PIK3C2B: variants seen among roughly 807,000 people sequenced by gnomAD.
PIK3C2B encodes the protein phosphatidylinositol 4-phosphate 3-kinase C2 domain-containing subunit beta.
In PIK3C2B, 83 loss-of-function variants were observed where a neutral mutation model predicts 184.3. That is an observed-to-expected ratio of 0.45 (90% CI 0.38 to 0.54). PIK3C2B has a LOEUF of 0.54. Ranked by LOEUF, PIK3C2B falls within the 20% of genes least tolerant of loss-of-function variation. The pLI is 0.00. For synonymous variants in PIK3C2B, 779 were observed against 837.6 expected, an observed-to-expected ratio of 0.93 and a Z score of 1.21; for missense variants, 1,736 against 2,113.5, an observed-to-expected ratio of 0.82 and a Z score of 3.50.
chr1:204,484,919 G>T (rs540791331), intron 1 of PIK3C2B, among the ~76,000 whole-genome samples: 1 of 152,220 alleles, frequency 6.6e-6, no homozygotes, highest in South Asian at 2.1e-4. Context: ...CAATGAGCAA[G>T]GGGCACTGTG....
chr1:204,425,664 C>T lies in PIK3C2B; in HGVS notation c.4665G>A (p.Lys1555=), dbSNP rs1350122964. The T allele has an allele frequency of 1.2e-6, 2 of 1,614,002 alleles. No homozygotes were observed. The highest frequency in any genetic ancestry group is 1.7e-6 in the Non-Finnish European group (2 of 1,180,030). The part of the protein sequence containing the change: ...YLLPDPQKTT[K]RKTKVARKTC... Reference sequence around the variant, plus strand: ...TTTTCCGGGCCACTTTGGTTTTCCTCTTAGTGGTTTTCTGAGGGTCAGGAA... The same window carrying T: ...TTTTCCGGGCCACTTTGGTTTTCCTTTTAGTGGTTTTCTGAGGGTCAGGAA... The change falls in exon 32 of 33, where the codon AAG becomes AAA. Residue 1555 remains lysine, a synonymous_variant. Transcript: ENST00000684373.
intron 1 of PIK3C2B, among the ~76,000 whole-genome samples, chr1:204,477,217 T>A (rs1468104478): frequency 6.6e-6 from 1 of 152,158 alleles, no homozygotes; most frequent in Non-Finnish European, 1.5e-5. Flanking sequence ...AATATACACA[T>A]TCCCGACCTC....
chr1:204,460,776 T>G, intron 5 of PIK3C2B, 115 bp from the exon 6 acceptor site: 1 of 703,778 alleles, frequency 1.4e-6, no homozygotes, highest in Non-Finnish European at 2.6e-6. Context: ...AAGGGGGTAG[T>G]ACCCGTGTTG....
chr1:204,456,912 A>ACC lies in PIK3C2B; in HGVS notation c.1747+124_1747+125insGG, dbSNP rs1180194145. ...CACACACACACACACACACACCCAC[A>ACC]CACACACACACACCAGCCGAACTCC... On this transcript the variant is annotated intron_variant, in intron 10 of 32. Transcript: ENST00000684373. The ACC allele has an allele frequency of 3.4e-5, 6 of 176,656 alleles. No individual in the cohort carries two copies. The East Asian group carries it at 4.3e-4, about 13-fold the overall frequency. 10.9% of individuals were successfully genotyped at this position (176,656 alleles called of 1,614,324 possible).
chr1:204,475,266 C>T lies in PIK3C2B; in HGVS notation c.-84-5380G>A, dbSNP rs534376482. Among the ~76,000 whole-genome samples the T allele has an allele frequency of 9.2e-5, 14 of 152,304 alleles. No individual in the cohort carries two copies. In the South Asian group the frequency reaches 2.3e-3, roughly 25 times the overall value. On this transcript the variant is annotated intron_variant, in intron 1 of 32. Transcript: ENST00000684373. ...TCTCACCTCCAACCATTCATGACCA[C>T]GTATGTGATACCTCCGTGACTTGGT...
chr1:204,447,997 C>T lies in PIK3C2B; in HGVS notation c.2347-419G>A, dbSNP rs1389605227. On this transcript the variant is annotated intron_variant, in intron 14 of 32. Coordinates refer to ENST00000684373, the MANE Select transcript of PIK3C2B (RefSeq NM_001377334.1). The surrounding 1 kb of genome is among the most constrained non-coding windows in gnomAD (Gnocchi z 4.1). ...CACACACTGGGAGAAGGCCCTGGGA[C>T]ACTCGGTCCCTACTCTATGCCACCA... Among the ~76,000 whole-genome samples, 1 of 152,210 alleles carries T rather than the reference C, an allele frequency of 6.6e-6. No individual in the cohort carries two copies. Among genetic ancestry groups the T allele is most frequent in the East Asian group, 1.9e-4 (1 of 5,196 alleles).
chr1:204,484,182 A>T (rs1054361129), intron 1 of PIK3C2B, among the ~76,000 whole-genome samples: 1 of 151,446 alleles, frequency 6.6e-6, no homozygotes, highest in African/African-American at 2.4e-5. Flanking sequence ...AAGGAAATAT[A>T]CCTTTTTTTC....
chr1:204,445,929 T>G lies in PIK3C2B; in HGVS notation c.2678+27A>C, dbSNP rs764666383. The G allele has an allele frequency of 2.1e-6, 3 of 1,452,856 alleles. No homozygotes were observed. The African/African-American group carries it at 4.2e-5, about 21-fold the overall frequency. The allele number at this position is 1,452,856 out of a possible 1,614,324, so 90.0% of individuals were successfully genotyped here. On this transcript the variant is annotated intron_variant, in intron 16 of 32. Coordinates refer to ENST00000684373, the MANE Select transcript of PIK3C2B (RefSeq NM_001377334.1). ...CCCTGGCTTCTACAAGAACACATAG[T>G]CAGAAAAGGCAGATGTTACAACTCA...
chr1:204,466,184 TTTCTGC>T (rs1655769723), intron 2 of PIK3C2B, among the ~76,000 whole-genome samples: 1 of 152,014 alleles, frequency 6.6e-6, no homozygotes, highest in Non-Finnish European at 1.5e-5. Context: ...GCATGACAGG[TTTCTGC>T]CTGAGGGGTC....
chr1:204,435,300 G>T (rs1675282624), intron 23 of PIK3C2B: 1 of 152,000 alleles, frequency 6.6e-6, no homozygotes, highest in Non-Finnish European at 1.5e-5. Flanking sequence ...ATCTTATTTT[G>T]TCTGGTCAAC....
chr1:204,434,115 T>A (rs986974102), intron 24 of PIK3C2B, among the ~76,000 whole-genome samples, 166 bp from the exon 25 acceptor site: 10 of 152,164 alleles, frequency 6.6e-5, no homozygotes, highest in Non-Finnish European at 1.5e-4. Context: ...TCTTAAAAGA[T>A]CTCTATATCC....
chr1:204,460,524 C>A, intron 6 of PIK3C2B, 26 bp downstream of exon 6: 1 of 1,592,104 alleles, frequency 6.3e-7, no homozygotes, highest in African/African-American at 1.3e-5. Context: ...CAGCCCTGGG[C>A]AACCCTCCAC....
In PIK3C2B at chr1:204,457,036, C is replaced by A; in HGVS notation, c.1747+1G>T. ...ATGAAGATGGAGAGCAGTTCCCTTA[C>A]CTCGGTTTTCCCTCACAGCCAAGAC... On this transcript the variant is annotated splice_donor_variant, in intron 10 of 32. Transcript: ENST00000684373. LOFTEE classifies it high-confidence loss of function. 1 of 1,566,418 alleles carries A rather than the reference C, an allele frequency of 6.4e-7. No homozygotes were observed. The highest frequency in any genetic ancestry group is 8.7e-7 in the Non-Finnish European group (1 of 1,154,042).
intron 2 of PIK3C2B, among the ~76,000 whole-genome samples, chr1:204,467,828 T>C (rs2999481): frequency 0.94 from 130,123 of 137,704 alleles, 61,678 homozygotes; most frequent in Non-Finnish European, 0.99. Flanking sequence ...AGTGAGACTC[T>C]GTCTCAAAAA....
intron 19 of PIK3C2B, among the ~76,000 whole-genome samples, chr1:204,442,885 C>A (rs1675746702): frequency 6.6e-6 from 1 of 152,234 alleles, no homozygotes; most frequent in Middle Eastern, 3.2e-3. Flanking sequence ...CCACAGTGCA[C>A]AGAGAGGGCA....
chr1:204,455,970 G>A lies in PIK3C2B; in HGVS notation c.1829C>T (p.Thr610Met), dbSNP rs200844327. ...YCNTFNADFQ[T>M]AVPGSRKHDL... ...ATGCTTGCGGCTCCCGGGCACTGCCGTCTGGAAGTCTGCGTTGAATGTGTT... is the reference window on the plus strand; with the variant it reads ...ATGCTTGCGGCTCCCGGGCACTGCCATCTGGAAGTCTGCGTTGAATGTGTT... Residue 610 changes from threonine to methionine, a missense_variant, in exon 11 of 33, where the codon ACG becomes ATG. Physicochemically the swap from Thr to Met is moderately conservative, Grantham distance 81. Around this residue, in one of 8 missense-constraint regions of PIK3C2B, gnomAD observed 609 missense variants for 699.2 expected, o/e 0.87. Coordinates refer to ENST00000684373, the MANE Select transcript of PIK3C2B (RefSeq NM_001377334.1). 1.2e-5 allele frequency: 19 copies of A among 1,614,070 alleles called. No homozygotes were observed. Among genetic ancestry groups the A allele is most frequent in the African/African-American group, 2.7e-5 (2 of 74,934 alleles).
At chr1:204,488,872 G>A (rs1454084080) in intron 1 of PIK3C2B, among the ~76,000 whole-genome samples, 5 of 152,166 alleles carry the variant, frequency 3.3e-5, no homozygotes, top group African/African-American at 1.2e-4. Flanking sequence ...CAATCAAGAT[G>A]TTAGTCAAAT....
At chr1:204,470,168 CT>C (rs34940315) in intron 1 of PIK3C2B, among the ~76,000 whole-genome samples, 4,522 of 138,080 alleles carry the variant, frequency 0.033, 95 homozygotes, top group African/African-American at 0.076. Context: ...AGAGAGGCAC[CT>C]TTTTTTTTTT....
intron 29 of PIK3C2B, among the ~76,000 whole-genome samples, chr1:204,429,486 G>A (rs1674924087): frequency 6.6e-6 from 1 of 151,930 alleles, no homozygotes; most frequent in South Asian, 2.1e-4. Context: ...AAATAGGAAG[G>A]GAACATGGAC....
Sources: gnomAD v4.1 joint callset for allele counts (sites outside exome capture counted in the v4.1 genomes callset) on GRCh38, gnomAD v4.1.1 for gene constraint, gnomAD v4.1.1 regional missense constraint, Gnocchi (gnomAD v3.1) non-coding constraint, MANE v1.5 for transcripts, NCBI Gene and HGNC (gene_info 2026-07-23, HGNC 2026-07-21) for gene names.